Variants in LRRC20 observed in about 807,000 individuals in gnomAD.
The protein encoded by LRRC20 is leucine rich repeat containing 20.
Under a neutral mutation model 14.4 loss-of-function variants are expected in LRRC20, and 11 were observed. The ratio of observed to expected loss-of-function variants is 0.77; its 90% confidence interval spans 0.48 to 1.27. The LOEUF is 1.27. Ranked by LOEUF, LRRC20 falls within the 50% of genes most tolerant of loss-of-function variation. The pLI is 0.00. For missense variants in LRRC20, 219 were observed against 251.2 expected, an observed-to-expected ratio of 0.87 and a Z score of 0.87; for synonymous variants, 121 against 107.3, an observed-to-expected ratio of 1.13 and a Z score of -0.79.
At chr10:70,309,228 C>T (rs114682321) in intron 4 of LRRC20, among the ~76,000 whole-genome samples, 12 of 152,280 alleles carry the variant, frequency 7.9e-5, no homozygotes, top group African/African-American at 2.9e-4. Context: ...AGGAGGAAAT[C>T]AAGGCGCAAG....
chr10:70,320,935 C>G (rs1842055160), intron 4 of LRRC20, among the ~76,000 whole-genome samples: 1 of 152,168 alleles, frequency 6.6e-6, no homozygotes, highest in Admixed American at 6.5e-5. Context: ...TATTCGGAAA[C>G]AAGAGGATGA....
rs184645944 is a variant in LRRC20, at chr10:70,346,954, C to T, written c.83-6252G>A. Among the ~76,000 whole-genome samples the T allele has an allele frequency of 5.1e-4, 78 of 152,230 alleles. 1 individual carries two copies. The East Asian group carries it at 0.014, about 27-fold the overall frequency. ...AGGCTGGAGGGCAGTGGCGTGATCT[C>T]GGCTCACTGCTACCTTCACCTCCCA... On this transcript the variant is annotated intron_variant, in intron 2 of 4. Coordinates refer to ENST00000446961, the MANE Select transcript of LRRC20 (RefSeq NM_001278212.2).
intron 2 of LRRC20, among the ~76,000 whole-genome samples, chr10:70,342,448 A>G (rs188228597): frequency 1.4e-3 from 207 of 152,236 alleles, no homozygotes; most frequent in Non-Finnish European, 2.2e-3. Context: ...ATATATATAC[A>G]TATATAATTG....
intron 4 of LRRC20, among the ~76,000 whole-genome samples, chr10:70,302,239 C>T (rs370911332): frequency 2.0e-5 from 3 of 151,872 alleles, no homozygotes; most frequent in African/African-American, 2.4e-5. Context: ...CTTGAACCCA[C>T]GAGGCGGAGG....
intron 1 of LRRC20, among the ~76,000 whole-genome samples, chr10:70,377,547 GA>G (rs1844554462): frequency 6.6e-6 from 1 of 152,136 alleles, no homozygotes; most frequent in South Asian, 2.1e-4. Flanking sequence ...CCCATAGAGA[GA>G]GGAATGAGCT....
intron 4 of LRRC20, among the ~76,000 whole-genome samples, chr10:70,307,677 C>A (rs552777888): frequency 1.9e-3 from 286 of 152,360 alleles, no homozygotes; most frequent in African/African-American, 6.6e-3. Context: ...CTTCGCTTCA[C>A]ATGATAGTTG....
intron 2 of LRRC20, among the ~76,000 whole-genome samples, chr10:70,357,581 T>G (rs1843571826): frequency 6.6e-6 from 1 of 152,134 alleles, no homozygotes; most frequent in African/African-American, 2.4e-5. Context: ...AAATGACCTC[T>G]GGATTGCATT....
At chr10:70,347,767 C>T (rs977417802) in intron 2 of LRRC20, among the ~76,000 whole-genome samples, 7 of 147,340 alleles carry the variant, frequency 4.8e-5, no homozygotes, top group Non-Finnish European at 7.5e-5. Flanking sequence ...TACAGTGAGC[C>T]GAGATCACAC....
chr10:70,303,362 T>C (rs1365123453), intron 4 of LRRC20, among the ~76,000 whole-genome samples: 2 of 152,146 alleles, frequency 1.3e-5, no homozygotes, highest in Non-Finnish European at 2.9e-5. Context: ...CAGTTTGAAT[T>C]TATCAGGACT....
intron 3 of LRRC20, among the ~76,000 whole-genome samples, chr10:70,334,413 G>C (rs1842644534): frequency 6.6e-6 from 1 of 152,152 alleles, no homozygotes; most frequent in Admixed American, 6.5e-5. Context: ...CAGCCTTTCT[G>C]AGGACGGTTC....
intron 3 of LRRC20, among the ~76,000 whole-genome samples, chr10:70,332,091 G>A (rs980487500): frequency 2.6e-5 from 4 of 152,196 alleles, no homozygotes; most frequent in Non-Finnish European, 4.4e-5. Context: ...CTGCGGCAAT[G>A]AGCAATCACA....
rs1844512300 is a variant in LRRC20 at position 70,376,479 on chromosome 10, T to C, written c.55A>G (p.Thr19Ala). 1 of 1,614,124 alleles carries C rather than the reference T, an allele frequency of 6.2e-7. No homozygotes were observed. The highest frequency in any genetic ancestry group is 2.2e-5 in the East Asian group (1 of 44,886). ...VARVARKVNE[T>A]VESGSDTLDL... ...AGAGTGTCAGAGCCGCTCTCCACCG[T>C]CTCGTTGACCTTCCTTGCTACTCTG... is the stretch of plus-strand genomic sequence containing the variant. Residue 19 changes from threonine to alanine, a missense_variant, in exon 2 of 5, where the codon ACG (threonine) becomes GCG (alanine). Thr to Ala is a moderately conservative substitution (Grantham distance 58). Transcript: ENST00000446961.
chr10:70,367,322 C>T (rs1262905317), intron 2 of LRRC20, among the ~76,000 whole-genome samples: 1 of 69,544 alleles, frequency 1.4e-5, no homozygotes, highest in Non-Finnish European at 2.5e-5. Flanking sequence ...GAGTGAGACC[C>T]GGTCTCAAAA....
At chr10:70,357,000 T>G (rs1843551951) in intron 2 of LRRC20, among the ~76,000 whole-genome samples, 1 of 152,262 alleles carries the variant, frequency 6.6e-6, no homozygotes, top group Non-Finnish European at 1.5e-5. Flanking sequence ...ATATATCCAT[T>G]CAATGGAATA....
chr10:70,374,081 G>A (rs1475955341), intron 2 of LRRC20, among the ~76,000 whole-genome samples: 3 of 152,040 alleles, frequency 2.0e-5, no homozygotes, highest in Non-Finnish European at 2.9e-5. Flanking sequence ...CAGGCTCTCC[G>A]CCTGCCAGGC....
rs1358607825 is a variant in LRRC20, at chr10:70,371,616, A to T, written c.82+4836T>A. ...GACTAAGGCCCCTCAGCGGTCCAGG[A>T]CCCACGGAAACCCAGATGGAAAAGG... On this transcript the variant is annotated intron_variant, in intron 2 of 4. Transcript: ENST00000446961. 3.9e-5 allele frequency among the ~76,000 whole-genome samples: 6 copies of T among 152,188 alleles called. No individual in the cohort carries two copies. The East Asian group carries it at 1.2e-3, about 30-fold the overall frequency.
At chr10:70,317,949 T>C (rs1321082999) in intron 4 of LRRC20, among the ~76,000 whole-genome samples, 5 of 152,214 alleles carry the variant, frequency 3.3e-5, no homozygotes, top group Non-Finnish European at 4.4e-5. Flanking sequence ...GCTGACCCCA[T>C]TCTACTGAGG....
intron 2 of LRRC20, among the ~76,000 whole-genome samples, chr10:70,354,862 C>T (rs1221063366): frequency 3.3e-5 from 5 of 152,116 alleles, no homozygotes; most frequent in African/African-American, 7.2e-5. Flanking sequence ...GTGTGGAGGC[C>T]GCCCTGGGCT....
intron 1 of LRRC20, among the ~76,000 whole-genome samples, chr10:70,378,176 G>GTATTAACAAAACAC (rs1844577856): frequency 6.6e-6 from 1 of 152,198 alleles, no homozygotes; most frequent in African/African-American, 2.4e-5. Context: ...TAATACTCAT[G>GTATTAACAAAACAC]TGAGTCTGAA....
Sources: gnomAD v4.1 joint callset for allele counts (sites outside exome capture counted in the v4.1 genomes callset) on GRCh38, gnomAD v4.1.1 for gene constraint, MANE v1.5 for transcripts, NCBI Gene and HGNC (gene_info 2026-07-23, HGNC 2026-07-21) for gene names.